The following TEX9 variants were observed in gnomAD, a reference collection of about 807,000 sequenced individuals.
TEX9 encodes testis expressed 9.
TEX9 carries 74 observed loss-of-function variants against 59.6 expected under a neutral mutation model. The observed-to-expected ratio is 1.24, with a 90% CI of 1.03 to 1.51. The LOEUF is 1.51. TEX9 is among the 40% of genes most tolerant of loss of function. The probability of loss-of-function intolerance (pLI) is 0.00; values close to 1 mark genes in which losing one functional copy is unlikely to be tolerated. For missense variants in TEX9, 522 were observed against 447.8 expected (o/e 1.17, Z -1.49); for synonymous variants, 186 against 152.2 (o/e 1.22, Z -1.64).
At chr15:56,393,959 C>T (rs1329576956) in intron 7 of TEX9, 6 of 389,624 alleles carry the variant, frequency 1.5e-5, no homozygotes, top group Non-Finnish European at 2.8e-5. Context: ...TGAATACTAC[C>T]TGTGATTTCT....
chr15:56,298,714 G>T (rs2045272856), intron 1 of TEX9, among the ~76,000 whole-genome samples: 1 of 151,822 alleles, frequency 6.6e-6, no homozygotes, highest in East Asian at 1.9e-4. Context: ...CCCAACTCTG[G>T]TTTACCACTC....
chr15:56,391,164 G>A, intron 6 of TEX9, 79 bp from the exon 7 acceptor site: 2 of 847,532 alleles, frequency 2.4e-6, no homozygotes, highest in Non-Finnish European at 3.3e-6. Flanking sequence ...TGGGTAAAAG[G>A]CATATATCCT....
chr15:56,443,318 A>G, intron 12 of TEX9: 1 of 747,686 alleles, frequency 1.3e-6, no homozygotes, highest in Non-Finnish European at 2.0e-6. Flanking sequence ...TACCATTTAC[A>G]TATAATGTAA....
chr15:56,348,297 A>G (rs991933773), intron 1 of TEX9, among the ~76,000 whole-genome samples: 1 of 152,040 alleles, frequency 6.6e-6, no homozygotes, highest in Non-Finnish European at 1.5e-5. Context: ...TTCTCCTGGA[A>G]GTAGTTTGTT....
the TEX9 span, among the ~76,000 whole-genome samples, chr15:56,454,537 TG>T: frequency 1.3e-5 from 2 of 152,190 alleles, no homozygotes; most frequent in African/African-American, 2.4e-5. Context: ...TTCTTACTGT[TG>T]TCTCTTTGGA....
chr15:56,423,033 G>A (rs573685366), intron 10 of TEX9, among the ~76,000 whole-genome samples: 2 of 152,190 alleles, frequency 1.3e-5, no homozygotes, highest in East Asian at 1.9e-4. Context: ...ACCACATTTT[G>A]TTTATTCATC....
exon 11 of TEX9, chr15:56,427,662 C>A (rs1315017632): frequency 5.2e-6 from 8 of 1,540,796 alleles, no homozygotes; most frequent in East Asian, 4.8e-5. Flanking sequence ...AAACAAGAAG[C>A]TAGAAAAACA....
intron 1 of TEX9, among the ~76,000 whole-genome samples, chr15:56,283,800 G>A (rs1275980939): frequency 6.6e-6 from 1 of 151,508 alleles, no homozygotes; most frequent in Non-Finnish European, 1.5e-5. Flanking sequence ...ACATAAACCT[G>A]GAAGAAAAAA....
rs777563342 is a variant in TEX9 at position 56,373,513 on chromosome 15, A to G, written c.183+9A>G. ...AAGCTAAGGAAATAATAGTAAGTAT[A>G]TGTACAATTATTAATAATTCTATAT... On this transcript the variant is annotated intron_variant, in intron 3 of 12. Transcript: ENST00000352903. The G allele has an allele frequency of 3.9e-6, 6 of 1,534,246 alleles. No individual in the cohort carries two copies. Among genetic ancestry groups the G allele is most frequent in the East Asian group, 2.4e-5 (1 of 41,280 alleles).
At chr15:56,430,697 T>G (rs1330856851) in intron 12 of TEX9, among the ~76,000 whole-genome samples, 3 of 152,174 alleles carry the variant, frequency 2.0e-5, no homozygotes, top group South Asian at 4.2e-4. Flanking sequence ...ATTCTCATCT[T>G]TGGCATGTAA....
At chr15:56,318,585 A>G (rs536696813) in intron 1 of TEX9, among the ~76,000 whole-genome samples, 29 of 152,026 alleles carry the variant, frequency 1.9e-4, no homozygotes, top group African/African-American at 6.3e-4. Flanking sequence ...TATGTCTTTC[A>G]TCTTTTTTGT....
At chr15:56,354,517 GACCA>G (rs1303063738) in intron 1 of TEX9, among the ~76,000 whole-genome samples, 3 of 152,048 alleles carry the variant, frequency 2.0e-5, no homozygotes, top group Admixed American at 1.3e-4. Flanking sequence ...AGGTAAAAGT[GACCA>G]ACCAAAAAGC....
intron 1 of TEX9, among the ~76,000 whole-genome samples, chr15:56,265,802 A>G (rs1249118384): frequency 1.3e-5 from 2 of 152,156 alleles, no homozygotes; most frequent in African/African-American, 2.4e-5. Context: ...GGAAAAGAAT[A>G]TTCTCTTGTG....
At chr15:56,290,449 G>GC (rs199683240) in intron 1 of TEX9, among the ~76,000 whole-genome samples, 1,564 of 151,254 alleles carry the variant, frequency 0.01, 25 homozygotes, top group African/African-American at 0.036. Context: ...AGCAAGCCCT[G>GC]CCCCCCCCAG....
At chr15:56,337,173 G>A (rs1437682193) in intron 1 of TEX9, among the ~76,000 whole-genome samples, 1 of 152,116 alleles carries the variant, frequency 6.6e-6, no homozygotes, top group African/African-American at 2.4e-5. Flanking sequence ...ACTTCATCCT[G>A]AGGCTGTAAC....
intron 1 of TEX9, among the ~76,000 whole-genome samples, chr15:56,266,071 A>T (rs1480667370): frequency 6.6e-6 from 1 of 151,788 alleles, no homozygotes; most frequent in African/African-American, 2.4e-5. Context: ...TAGATGTGTG[A>T]TTATTATGCA....
intron 1 of TEX9, among the ~76,000 whole-genome samples, chr15:56,316,860 T>C (rs1447186202): frequency 6.6e-6 from 1 of 152,144 alleles, no homozygotes; most frequent in Non-Finnish European, 1.5e-5. Context: ...TGGTGCATCG[T>C]TTTTTAAGCC....
downstream of TEX9, among the ~76,000 whole-genome samples, chr15:56,448,618 C>G (rs1468451206): frequency 6.6e-6 from 1 of 152,138 alleles, no homozygotes; most frequent in Non-Finnish European, 1.5e-5. Context: ...ACCACATTTT[C>G]TTTACCCAAT....
intron 1 of TEX9, among the ~76,000 whole-genome samples, chr15:56,272,949 TGTTG>T (rs2044579100): frequency 1.3e-5 from 2 of 150,778 alleles, no homozygotes; most frequent in African/African-American, 4.9e-5. Flanking sequence ...TTTTTTTTGT[TGTTG>T]TTGTTGTTGT....
Sources: gnomAD v4.1 joint callset for allele counts (sites outside exome capture counted in the v4.1 genomes callset) on GRCh38, gnomAD v4.1.1 for gene constraint, MANE v1.5 for transcripts, NCBI Gene and HGNC (gene_info 2026-07-23, HGNC 2026-07-21) for gene names.